The following PI4KB variants were observed in gnomAD, a reference collection of about 807,000 sequenced individuals.
PI4KB encodes phosphatidylinositol 4-kinase beta, also known as PtdIns 4-kinase beta.
In PI4KB, 23 loss-of-function variants were observed where a neutral mutation model predicts 81.4. That is an observed-to-expected ratio of 0.28 (90% CI 0.20 to 0.40). The LOEUF is 0.40. PI4KB is among the 10% of genes least tolerant of loss of function. PI4KB has a pLI of 1.00. For synonymous variants in PI4KB, 381 were observed against 406.8 expected (o/e 0.94, Z 0.76); for missense variants, 651 against 1,036.6 (o/e 0.63, Z 5.11).
chr1:151,299,129 A>C (rs1695039536), intron 8 of PI4KB, 56 bp from the exon 9 acceptor site: 11 of 1,488,882 alleles, frequency 7.4e-6, no homozygotes, highest in South Asian at 1.2e-5. Flanking sequence ...CTAGAGAAGA[A>C]GGCTAAAACT....
chr1:151,295,614 C>G (rs1305241985), intron 9 of PI4KB, among the ~76,000 whole-genome samples: 3 of 152,222 alleles, frequency 2.0e-5, no homozygotes, highest in Non-Finnish European at 4.4e-5. Flanking sequence ...TTAAAGAGAT[C>G]CTAAAACCTG....
At chr1:151,306,751 A>C (rs1695792493) in intron 4 of PI4KB, among the ~76,000 whole-genome samples, 1 of 152,184 alleles carries the variant, frequency 6.6e-6, no homozygotes, top group Non-Finnish European at 1.5e-5. Flanking sequence ...CACTGTCCCA[A>C]GGAGTGTCCC....
At chr1:151,327,232 A>AACAGGGC (rs1649779270) in intron 1 of PI4KB, 39 bp downstream of exon 1, 1 of 6,150 alleles carries the variant, frequency 1.6e-4, no homozygotes, top group Non-Finnish European at 4.7e-4. Flanking sequence ...CCCCCCACCC[A>AACAGGGC]ACAGGGCAAA....
intron 1 of PI4KB, among the ~76,000 whole-genome samples, chr1:151,318,428 A>AT (rs1420832205): frequency 2.4e-5 from 3 of 127,364 alleles, no homozygotes; most frequent in African/African-American, 9.0e-5. Flanking sequence ...AAAAAAAAAA[A>AT]AAGGCCGGGC....
At chr1:151,293,984 G>A in intron 11 of PI4KB, 34 bp downstream of exon 11, 1 of 1,612,874 alleles carries the variant, frequency 6.2e-7, no homozygotes, top group Non-Finnish European at 8.5e-7. Context: ...GGAAGCCTGA[G>A]GCACTATAGC....
intron 1 of PI4KB, 95 bp from the exon 2 acceptor site, chr1:151,316,604 C>T (rs1268952352): frequency 1.3e-6 from 1 of 778,828 alleles, no homozygotes; most frequent in Non-Finnish European, 1.9e-6. Context: ...TGCTATGACA[C>T]CTTCCCAGGC....
chr1:151,312,256 C>G (rs948872537), intron 2 of PI4KB, among the ~76,000 whole-genome samples: 1 of 152,194 alleles, frequency 6.6e-6, no homozygotes, highest in African/African-American at 2.4e-5. Context: ...TGAGCCTCTT[C>G]TTTGAGGCCC....
chr1:151,307,410 A>G (rs1695861975), intron 4 of PI4KB, among the ~76,000 whole-genome samples, 164 bp downstream of exon 4: 1 of 152,178 alleles, frequency 6.6e-6, no homozygotes, highest in African/African-American at 2.4e-5. Context: ...GGCTCTCAAA[A>G]TCACAATCGC....
intron 1 of PI4KB, among the ~76,000 whole-genome samples, chr1:151,321,905 A>C (rs1648900393): frequency 6.6e-6 from 1 of 151,472 alleles, no homozygotes; most frequent in Non-Finnish European, 1.5e-5. Context: ...CTTTGAGGGT[A>C]ACTGTTCTAA....
chr1:151,321,452 T>G (rs1018565282), intron 1 of PI4KB, among the ~76,000 whole-genome samples: 10 of 152,022 alleles, frequency 6.6e-5, no homozygotes, highest in African/African-American at 2.4e-4. Flanking sequence ...TGGCGCAATG[T>G]TGGCTCACCG....
At chr1:151,319,466 C>A (rs1648527276) in intron 1 of PI4KB, among the ~76,000 whole-genome samples, 1 of 152,160 alleles carries the variant, frequency 6.6e-6, no homozygotes, top group Non-Finnish European at 1.5e-5. Flanking sequence ...ACCACTCCCC[C>A]CACTGTCATA....
At position 151,315,471 on chromosome 1, in the gene PI4KB, G is replaced by T. The variant is rs1647782275; in HGVS notation, c.909+102C>A. Reference sequence around the variant, plus strand: ...GCTTTTATCAGTGAAATGAAACAGGGAGGACAGAAAGAACAGCGTAACCCT... The same window carrying T: ...GCTTTTATCAGTGAAATGAAACAGGTAGGACAGAAAGAACAGCGTAACCCT... On this transcript the variant is annotated intron_variant, in intron 2 of 11. Transcript: ENST00000368873. 1.7e-5 allele frequency: 13 copies of T among 787,364 alleles called. No homozygotes were observed. The South Asian group carries it at 1.9e-4, about 11-fold the overall frequency. The allele number at this position is 787,364 out of a possible 1,614,324, so 48.8% of individuals were successfully genotyped here. A position where few individuals can be genotyped will look rare whatever the true frequency, so the allele number is the denominator to read the frequency against.
At chr1:151,313,152 T>C (rs1023561686) in intron 2 of PI4KB, among the ~76,000 whole-genome samples, 3 of 152,188 alleles carry the variant, frequency 2.0e-5, no homozygotes, top group Non-Finnish European at 4.4e-5. Flanking sequence ...AACCTAGTGA[T>C]ATTCATGTTT....
Position 151,301,929 on chromosome 1 carries a change from T to C in PI4KB, c.1664A>G (p.Asn555Ser), listed in dbSNP as rs145183469. 9.4e-5 allele frequency: 151 copies of C among 1,613,820 alleles called. No homozygotes were observed. The highest frequency in any genetic ancestry group is 1.8e-4 in the Admixed American group (11 of 60,000). Residue 555 changes from asparagine to serine, a missense_variant, in exon 8 of 12, where the codon AAT becomes AGT. Asn to Ser is a conservative substitution (Grantham distance 46). Coordinates refer to ENST00000368873, the MANE Select transcript of PI4KB (RefSeq NM_001369623.2). ...GACAATGACTGACAGGAGCCGCCAA[T>C]TGGGGAGATGGCCGTAGGGGGAGCC... Reference protein sequence around the residue: ...REGSPYGHLPNWRLLSVIVKC... With the variant: ...REGSPYGHLPSWRLLSVIVKC...
intron 1 of PI4KB, among the ~76,000 whole-genome samples, chr1:151,323,489 G>A (rs908352793): frequency 5.3e-5 from 8 of 151,840 alleles, no homozygotes; most frequent in South Asian, 2.1e-4. Flanking sequence ...CTGGGAGGCC[G>A]GGGTGGGTGG....
At chr1:151,320,225 G>C (rs1330254248) in intron 1 of PI4KB, among the ~76,000 whole-genome samples, 2 of 152,134 alleles carry the variant, frequency 1.3e-5, no homozygotes, top group Non-Finnish European at 2.9e-5. Flanking sequence ...AGTAGAGGCA[G>C]GGTTTCACCA....
chr1:151,326,179 T>A (rs370176905), intron 1 of PI4KB: 15 of 1,613,216 alleles, frequency 9.3e-6, no homozygotes, highest in Non-Finnish European at 1.3e-5. Flanking sequence ...CACAATCTCA[T>A]TCAATTTCCA....
chr1:151,325,136 A>G (rs1210660919), intron 1 of PI4KB, among the ~76,000 whole-genome samples: 3 of 151,748 alleles, frequency 2.0e-5, no homozygotes, highest in African/African-American at 7.3e-5. Flanking sequence ...GGATTACAGA[A>G]GCTCGCCACC....
At chr1:151,327,686 G>A, upstream of PI4KB, 1 of 308,122 alleles carries the variant, frequency 3.2e-6, no homozygotes, top group Non-Finnish European at 5.9e-6. Flanking sequence ...CCTGGAACAT[G>A]CCTGTTCAGA....
Sources: gnomAD v4.1 joint callset for allele counts (sites outside exome capture counted in the v4.1 genomes callset) on GRCh38, gnomAD v4.1.1 for gene constraint, MANE v1.5 for transcripts, NCBI Gene and HGNC (gene_info 2026-07-23, HGNC 2026-07-21) for gene names.